WDR49: variants seen among roughly 807,000 people sequenced by gnomAD.
WDR49 encodes the protein cilia- and flagella-associated protein 337.
A neutral mutation model predicts 119.5 loss-of-function variants in WDR49; 107 were observed. The ratio of observed to expected loss-of-function variants is 0.90; its 90% CI spans 0.77 to 1.05. The LOEUF is 1.05. WDR49 is among the 50% of genes least tolerant of loss of function. The probability of loss-of-function intolerance (pLI) is 0.00; values close to 1 mark genes in which losing one functional copy is unlikely to be tolerated. For missense variants in WDR49, 1,240 were observed against 1,220.5 expected (o/e 1.02, Z -0.24); for synonymous variants, 425 against 418.8 (o/e 1.01, Z -0.18).
At chr3:167,646,804 T>C (rs942618124) in intron 2 of WDR49, among the ~76,000 whole-genome samples, 4 of 152,038 alleles carry the variant, frequency 2.6e-5, no homozygotes, top group African/African-American at 9.7e-5. Context: ...TGGTAATGCC[T>C]CCACAGAGAT....
In WDR49 at chr3:167,617,837, C is replaced by A. The variant is rs562091840; in HGVS notation, c.958+2592G>T. 2.0e-5 allele frequency among the ~76,000 whole-genome samples: 3 copies of A among 152,288 alleles called. No individual in the cohort carries two copies. In the East Asian group the frequency reaches 5.8e-4, roughly 29 times the overall value. On this transcript the variant is annotated intron_variant, in intron 5 of 18. Transcript: ENST00000682715. ...GTCCTTTCTTTATCATTTCCATTTT[C>A]TAATGATCAAAAACCTTCTAACTAG...
chr3:167,603,769 C>A (rs1473325575), intron 6 of WDR49, among the ~76,000 whole-genome samples: 1 of 151,982 alleles, frequency 6.6e-6, no homozygotes, highest in South Asian at 2.1e-4. Flanking sequence ...TTTTTTACAT[C>A]AAAAGAACTC....
At chr3:167,619,591 A>G (rs2108320470) in intron 5 of WDR49, among the ~76,000 whole-genome samples, 1 of 152,286 alleles carries the variant, frequency 6.6e-6, no homozygotes, top group Middle Eastern at 3.4e-3. Flanking sequence ...CAAAAAGCCA[A>G]CAGTTGGGTC....
In WDR49 at chr3:167,517,796, C is replaced by T. The variant is rs1752278355; in HGVS notation, c.2774+4519G>A. On this transcript the variant is annotated intron_variant, in intron 16 of 18. Transcript: ENST00000682715. ...ATGTGCACAATGTGCAGGTTAGTTACATATGTATACATGTGCCATGCTGGT... is the reference window on the plus strand; with the variant it reads ...ATGTGCACAATGTGCAGGTTAGTTATATATGTATACATGTGCCATGCTGGT... 2.7e-5 allele frequency among the ~76,000 whole-genome samples: 4 copies of T among 150,306 alleles called. No individual in the cohort carries two copies. In the South Asian group the frequency reaches 8.4e-4, roughly 31 times the overall value.
chr3:167,549,957 T>C (rs1230351482), intron 10 of WDR49, among the ~76,000 whole-genome samples: 1 of 152,212 alleles, frequency 6.6e-6, no homozygotes, highest in Non-Finnish European at 1.5e-5. Flanking sequence ...GGAAATCCTT[T>C]CCCCATTTCA....
intron 16 of WDR49, among the ~76,000 whole-genome samples, chr3:167,510,923 C>T (rs1455209820): frequency 6.7e-6 from 1 of 150,144 alleles, no homozygotes; most frequent in African/African-American, 2.5e-5. Context: ...AATTCTTTCA[C>T]ATTTTTATTT....
chr3:167,516,521 C>T (rs150323314), intron 16 of WDR49, among the ~76,000 whole-genome samples: 4,634 of 152,070 alleles, frequency 0.03, 220 homozygotes, highest in African/African-American at 0.11. Context: ...TGGGTTGGTT[C>T]CAAGTCGTCG....
intron 9 of WDR49, among the ~76,000 whole-genome samples, chr3:167,557,715 T>G (rs922565383): frequency 1.4e-5 from 2 of 147,200 alleles, no homozygotes; most frequent in Non-Finnish European, 3.0e-5. Context: ...ATCGTGCCAC[T>G]GCACTGCAGC....
Position 167,585,772 on chromosome 3 carries a change from T to A in WDR49, c.1276-9621A>T, listed in dbSNP as rs539220293. Among the ~76,000 whole-genome samples, 95 of 152,092 alleles carry A rather than the reference T, an allele frequency of 6.2e-4. 1 individual carries two copies. The South Asian group carries it at 0.019, about 31-fold the overall frequency. On this transcript the variant is annotated intron_variant, in intron 7 of 18. Transcript: ENST00000682715. ...TATTATTATAATACATTATTATGTA[T>A]AACATAGTAAGTATATAGCAAAACA...
intron 2 of WDR49, chr3:167,633,603 C>A (rs756634623): frequency 4.9e-6 from 2 of 408,174 alleles, no homozygotes; most frequent in Non-Finnish European, 4.8e-6. Context: ...AATGAACTTG[C>A]GTATAGCATC....
At chr3:167,558,623 A>G (rs927450901) in intron 9 of WDR49, among the ~76,000 whole-genome samples, 3 of 152,218 alleles carry the variant, frequency 2.0e-5, no homozygotes, top group Non-Finnish European at 2.9e-5. Flanking sequence ...CCATGTCGCT[A>G]TGTTTTCCTC....
chr3:167,608,687 TA>T (rs1716181747), intron 5 of WDR49, among the ~76,000 whole-genome samples: 1 of 152,122 alleles, frequency 6.6e-6, no homozygotes, highest in Non-Finnish European at 1.5e-5. Flanking sequence ...TGAATTGAGG[TA>T]AGGAAATGAT....
intron 8 of WDR49, among the ~76,000 whole-genome samples, chr3:167,569,327 T>C (rs976918773): frequency 5.9e-5 from 9 of 152,234 alleles, no homozygotes; most frequent in Non-Finnish European, 1.0e-4. Context: ...TGTGTTTGAA[T>C]ACGTAAGTTT....
At chr3:167,657,164 A>T (rs1718624559), upstream of WDR49, among the ~76,000 whole-genome samples, 1 of 152,180 alleles carries the variant, frequency 6.6e-6, no homozygotes, top group East Asian at 1.9e-4. Flanking sequence ...TTTTACCATT[A>T]TATTTTCTAC....
chr3:167,597,559 G>A (rs918698527), intron 7 of WDR49, among the ~76,000 whole-genome samples: 10 of 152,080 alleles, frequency 6.6e-5, no homozygotes, highest in Non-Finnish European at 1.3e-4. Context: ...AACAGCTTGC[G>A]TCGTGCACCT....
In WDR49 at chr3:167,604,445, C is replaced by T. The variant is rs140603491; in HGVS notation, c.982G>A (p.Ala328Thr). Residue 328 changes from alanine (A) to threonine (T), a missense_variant, in exon 6 of 19, where the codon GCT (alanine) becomes ACT (threonine). Transcript: ENST00000682715. ...TTGCTGGTTGTACTGGAAATGATAGCGTCTAAAGATGCATTGTAAGTAACT... is the reference window on the plus strand; with the variant it reads ...TTGCTGGTTGTACTGGAAATGATAGTGTCTAAAGATGCATTGTAAGTAACT... ...RQVTYNASLD[A>T]IISSTTSNTN... is the part of the protein sequence containing the mutation. 3.3e-5 allele frequency: 53 copies of T among 1,610,574 alleles called. No individual in the cohort carries two copies. The highest frequency in any genetic ancestry group is 1.3e-4 in the African/African-American group (10 of 74,780).
At chr3:167,570,291 T>G (rs757749461) in intron 8 of WDR49, among the ~76,000 whole-genome samples, 25 of 152,290 alleles carry the variant, frequency 1.6e-4, no homozygotes, top group Admixed American at 3.3e-4. Context: ...GAGATAAATT[T>G]CCCTCAAGCC....
intron 7 of WDR49, among the ~76,000 whole-genome samples, chr3:167,589,945 T>C (rs1281962629): frequency 1.3e-5 from 2 of 152,132 alleles, no homozygotes; most frequent in Non-Finnish European, 2.9e-5. Context: ...GGACTTACAG[T>C]ACTATATTGA....
chr3:167,515,647 G>A (rs756089984), intron 16 of WDR49, among the ~76,000 whole-genome samples: 6 of 152,100 alleles, frequency 3.9e-5, no homozygotes, highest in Non-Finnish European at 8.8e-5. Flanking sequence ...GGGCAATCAG[G>A]CAAGAGAAAG....
Sources: allele counts gnomAD v4.1 joint callset (sites outside exome capture counted in the v4.1 genomes callset), GRCh38; gene constraint gnomAD v4.1.1; transcripts MANE v1.5; gene names NCBI Gene and HGNC (gene_info 2026-07-23, HGNC 2026-07-21).